The following DGKD variants were observed in gnomAD, a reference collection of about 807,000 sequenced individuals.
The protein encoded by DGKD is diacylglycerol kinase delta.
DGKD carries 68 observed loss-of-function variants against 154.4 expected under a neutral mutation model. That is an observed-to-expected ratio of 0.44 (90% CI 0.36 to 0.54). The LOEUF (loss-of-function observed/expected upper bound fraction) is 0.54, where lower values mean the gene tolerates loss of function less well. Ranked by LOEUF, DGKD falls within the 20% of genes least tolerant of loss-of-function variation. The pLI is 0.00. For missense variants in DGKD, 1,343 were observed against 1,593.6 expected (o/e 0.84, Z 2.68); for synonymous variants, 693 against 638.0 (o/e 1.09, Z -1.30).
At position 233,457,883 on chromosome 2, in the gene DGKD, T is replaced by C. The variant is rs1260971629; in HGVS notation, c.2581-401T>C. The C allele has an allele frequency of 6.1e-6, 2 of 327,572 alleles. No homozygotes were observed. The highest frequency in any genetic ancestry group is 1.5e-4 in the East Asian group (2 of 13,300). 20.3% of individuals were successfully genotyped at this position (327,572 alleles called of 1,614,324 possible). A position where few individuals can be genotyped will look rare whatever the true frequency, so the allele number is the denominator to read the frequency against. On this transcript the variant is annotated intron_variant, in intron 21 of 29. Transcript: ENST00000264057. This position sits in a 1 kb window ranked among gnomAD's most constrained non-coding sequence, Gnocchi z 5.5. ...GAACTGTGGGAAGGTGTTGATAGGTTTAAACCTGGTTTAAACCTTCCTTTG... is the reference window on the plus strand; with the variant it reads ...GAACTGTGGGAAGGTGTTGATAGGTCTAAACCTGGTTTAAACCTTCCTTTG...
chr2:233,446,785 G>A lies in DGKD; in HGVS notation c.1408G>A (p.Glu470Lys), dbSNP rs772674495. 18 of 1,614,080 alleles carry A rather than the reference G, an allele frequency of 1.1e-5. No homozygotes were observed. The highest frequency in any genetic ancestry group is 4.4e-5 in the South Asian group (4 of 91,086). Reference sequence around the variant, plus strand: ...CTCTACCGTCACCGAAGACTTCAGCGAGGATTCCGAGGTATTGCTGGCCTG... The same window carrying A: ...CTCTACCGTCACCGAAGACTTCAGCAAGGATTCCGAGGTATTGCTGGCCTG... Reference protein sequence around the residue: ...SSSTVTEDFSEDSEVQQILFY... With the variant: ...SSSTVTEDFSKDSEVQQILFY... Residue 470 changes from glutamate (E) to lysine (K), a missense_variant, in exon 12 of 30, where the codon GAG (glutamate) becomes AAG (lysine). By Grantham distance (56) the Glu-to-Lys change is moderately conservative (BLOSUM62 1). Around this residue, in one of 6 missense-constraint regions of DGKD, gnomAD observed 409 missense variants for 446.0 expected, o/e 0.92. Transcript: ENST00000264057.
intron 3 of DGKD, among the ~76,000 whole-genome samples, chr2:233,397,487 C>CG (rs1559502173): frequency 1.4e-5 from 1 of 73,770 alleles, no homozygotes; most frequent in Non-Finnish European, 2.5e-5. Context: ...GGGTGGCTGG[C>CG]GGGGGGCCAG....
chr2:233,410,264 G>A (rs370528217), intron 3 of DGKD, among the ~76,000 whole-genome samples: 1 of 152,180 alleles, frequency 6.6e-6, no homozygotes, highest in African/African-American at 2.4e-5. Context: ...GAAGAAAGAG[G>A]GGGGGCTCAA....
intron 3 of DGKD, among the ~76,000 whole-genome samples, chr2:233,411,820 C>T (rs922120428): frequency 1.7e-4 from 26 of 152,088 alleles, no homozygotes; most frequent in African/African-American, 6.3e-4. Context: ...ATGTTCTTCC[C>T]CCGACCCCCA....
chr2:233,367,840 CTTTTTTTTTTCTTTT>C (rs1190268866), intron 1 of DGKD, among the ~76,000 whole-genome samples: 4 of 132,814 alleles, frequency 3.0e-5, no homozygotes, highest in African/African-American at 1.2e-4. Context: ...TTTTCTTCCT[CTTTTTTTTTTCTTTT>C]TTTTTTTTTT....
At chr2:233,367,222 TTAA>T (rs887335466) in intron 1 of DGKD, among the ~76,000 whole-genome samples, 4 of 122,198 alleles carry the variant, frequency 3.3e-5, no homozygotes, top group African/African-American at 1.2e-4. Flanking sequence ...TTGTCTGGTA[TTAA>T]TGACTTTTTT....
intron 29 of DGKD, 131 bp from the exon 30 acceptor site, chr2:233,469,240 C>T (rs531699890): frequency 2.6e-5 from 19 of 727,832 alleles, no homozygotes; most frequent in African/African-American, 8.8e-5. Flanking sequence ...CTTGTTTTAC[C>T]GTTTTTGTCA....
intron 1 of DGKD, among the ~76,000 whole-genome samples, chr2:233,369,565 T>C (rs1702206714): frequency 3.9e-5 from 6 of 152,248 alleles, no homozygotes; most frequent in South Asian, 4.1e-4. Context: ...GCATGTACTT[T>C]ATGGCATGTT....
At chr2:233,355,696 G>C (rs1019657032) in intron 1 of DGKD, among the ~76,000 whole-genome samples, 1 of 152,220 alleles carries the variant, frequency 6.6e-6, no homozygotes, top group Non-Finnish European at 1.5e-5. Context: ...CAGCAAATAG[G>C]TACCGAACAC....
chr2:233,377,845 C>G (rs1279656583), intron 1 of DGKD, among the ~76,000 whole-genome samples: 2 of 152,180 alleles, frequency 1.3e-5, no homozygotes, highest in Non-Finnish European at 2.9e-5. Flanking sequence ...GAGTCTTGCT[C>G]TGTCACCCAA....
Position 233,451,066 on chromosome 2 carries a change from C to T in DGKD, c.2167+16C>T. 2 of 1,595,268 alleles carry T rather than the reference C, an allele frequency of 1.3e-6. No homozygotes were observed. Among genetic ancestry groups the T allele is most frequent in the Non-Finnish European group, 1.7e-6 (2 of 1,164,620 alleles). On this transcript the variant is annotated intron_variant, in intron 17 of 29. Coordinates refer to ENST00000264057, the MANE Select transcript of DGKD (RefSeq NM_152879.3). ...CTGTACCCAAGTGAGTGGCGGCCAG[C>T]AGGAGGGACTGGTGGGGGCCCTAGC...
intron 3 of DGKD, chr2:233,429,149 C>T (rs1261088490): frequency 5.9e-5 from 58 of 985,222 alleles, no homozygotes; most frequent in Non-Finnish European, 6.6e-5. Flanking sequence ...TCTTCTCAAA[C>T]GCTGAGGCTG....
intron 16 of DGKD, among the ~76,000 whole-genome samples, 195 bp from the exon 17 acceptor site, chr2:233,450,727 T>C (rs1043918967): frequency 1.3e-5 from 2 of 152,122 alleles, no homozygotes; most frequent in African/African-American, 4.8e-5. Context: ...AACCTCTCCA[T>C]GAGCCCAGCC....
At chr2:233,360,984 G>T (rs1212206224) in intron 1 of DGKD, among the ~76,000 whole-genome samples, 2 of 129,100 alleles carry the variant, frequency 1.5e-5, no homozygotes, top group Non-Finnish European at 1.6e-5. Flanking sequence ...AGACAGTCAA[G>T]TTTTTTTTTT....
chr2:233,447,939 G>A (rs2063140983), intron 12 of DGKD, 148 bp from the exon 13 acceptor site: 8 of 1,481,062 alleles, frequency 5.4e-6, no homozygotes, highest in Admixed American at 2.3e-5. Flanking sequence ...AGTGAGTTGA[G>A]GCTTGGCTGG....
At chr2:233,357,063 T>C (rs937863076) in intron 1 of DGKD, among the ~76,000 whole-genome samples, 3 of 152,204 alleles carry the variant, frequency 2.0e-5, no homozygotes, top group Non-Finnish European at 4.4e-5. Context: ...AGGAAACTGC[T>C]GCCACCCCTA....
chr2:233,415,798 A>AT (rs1017909584), intron 3 of DGKD, among the ~76,000 whole-genome samples: 19 of 151,818 alleles, frequency 1.3e-4, no homozygotes, highest in Admixed American at 5.9e-4. Context: ...TAATTTATAA[A>AT]TTTTTTTTGT....
intron 3 of DGKD, among the ~76,000 whole-genome samples, chr2:233,405,234 C>G (rs973134038): frequency 6.6e-6 from 1 of 152,208 alleles, no homozygotes; most frequent in African/African-American, 2.4e-5. Context: ...AAGAGGTGAT[C>G]AGTGCTGGGT....
rs1203903945 is a variant in DGKD, at chr2:233,390,393, C to T, written c.268-10C>T. 6.2e-7 allele frequency: 1 copy of T among 1,612,770 alleles called. No homozygotes were observed. The highest frequency in any genetic ancestry group is 2.2e-5 in the East Asian group (1 of 44,850). ...TATGTGCCTTAGTCCCTGTGTTTGT[C>T]TCTTTCTAGTCAATCATATTTGATG... is the stretch of plus-strand genomic sequence containing the variant. On this transcript the variant is annotated splice_polypyrimidine_tract_variant and intron_variant, in intron 2 of 29. Coordinates refer to ENST00000264057, the MANE Select transcript of DGKD (RefSeq NM_152879.3).
Sources: allele counts gnomAD v4.1 joint callset (sites outside exome capture counted in the v4.1 genomes callset), GRCh38; gene constraint gnomAD v4.1.1; regional missense constraint gnomAD v4.1.1; non-coding constraint Gnocchi (gnomAD v3.1); transcripts MANE v1.5; gene names NCBI Gene and HGNC (gene_info 2026-07-23, HGNC 2026-07-21).